Variants in PAPPA observed in about 807,000 individuals in gnomAD.
The protein encoded by PAPPA is pappalysin-1.
A neutral mutation model predicts 164.0 loss-of-function variants in PAPPA; 60 were observed. The ratio of observed to expected loss-of-function variants is 0.37; its 90% CI spans 0.30 to 0.45. The LOEUF is 0.45. PAPPA is among the 20% of genes least tolerant of loss of function. The pLI is 1.00. For missense variants in PAPPA, 1,782 were observed against 2,087.3 expected (o/e 0.85, Z 2.85); for synonymous variants, 875 against 814.1 (o/e 1.07, Z -1.27).
intron 7 of PAPPA, among the ~76,000 whole-genome samples, chr9:116,242,951 C>T (rs1334027219): frequency 1.3e-5 from 2 of 152,170 alleles, no homozygotes; most frequent in Non-Finnish European, 2.9e-5. Context: ...AATACATTTA[C>T]TGGATAATTG....
At chr9:116,302,519 G>A (rs763317119) in intron 9 of PAPPA, among the ~76,000 whole-genome samples, 1 of 151,984 alleles carries the variant, frequency 6.6e-6, no homozygotes, top group South Asian at 2.1e-4. Flanking sequence ...TTAACATGGT[G>A]GCCTCCACGT....
At chr9:116,376,116 G>C (rs780085017) in intron 19 of PAPPA, among the ~76,000 whole-genome samples, 14 of 151,724 alleles carry the variant, frequency 9.2e-5, no homozygotes, top group Non-Finnish European at 1.8e-4. Flanking sequence ...TGCCTCCCGG[G>C]TTCAAGCGAT....
chr9:116,302,862 T>G lies in PAPPA; in HGVS notation c.3059T>G (p.Leu1020Arg). Residue 1020 changes from leucine to arginine, a missense_variant, in exon 10 of 22, where the codon CTG becomes CGG. Physicochemically the swap from Leu to Arg is moderately radical, Grantham distance 102 (BLOSUM62 -2). Transcript: ENST00000328252. ...DCGVYTPQGFLDQWASNASVS... is the reference protein window; with the variant it reads ...DCGVYTPQGFRDQWASNASVS... ...GGTGTCTACACGCCCCAGGGATTCC[T>G]GGATCAGTGGGCATCCAATGCTTCA... 1 of 1,614,140 alleles carries G rather than the reference T, an allele frequency of 6.2e-7. No individual in the cohort carries two copies. The highest frequency in any genetic ancestry group is 8.5e-7 in the Non-Finnish European group (1 of 1,179,974).
Position 116,198,990 on chromosome 9 carries a change from T to C in PAPPA, c.1479-8466T>C, listed in dbSNP as rs568959675. 9.8e-5 allele frequency among the ~76,000 whole-genome samples: 15 copies of C among 152,336 alleles called. No homozygotes were observed. In the South Asian group the frequency reaches 3.1e-3, roughly 32 times the overall value. On this transcript the variant is annotated intron_variant, in intron 2 of 21. Transcript: ENST00000328252. ...AAACTGCTGACTTCCATCTCAATGT[T>C]TATTATTAGGTTGCTGCAGAAGTAA... is the stretch of plus-strand genomic sequence containing the variant.
chr9:116,241,213 A>T (rs1464850504), intron 7 of PAPPA, among the ~76,000 whole-genome samples: 1 of 152,208 alleles, frequency 6.6e-6, no homozygotes, highest in Admixed American at 6.6e-5. Context: ...GTATTTGTTG[A>T]CTTCCAACAT....
chr9:116,220,061 T>C lies in PAPPA; in HGVS notation c.2043T>C (p.Val681=). Residue 681 remains valine (V), a synonymous_variant, in exon 5 of 22, where the codon GTT becomes GTC. Coordinates refer to ENST00000328252, the MANE Select transcript of PAPPA (RefSeq NM_002581.5). ...CGCCTGTTGCCCTCGCCCCCCAAGTTCTGGGCCACACAACGGACTCTGTGA... is the reference window on the plus strand; with the variant it reads ...CGCCTGTTGCCCTCGCCCCCCAAGTCCTGGGCCACACAACGGACTCTGTGA... ...KPAPVALAPQ[V]LGHTTDSVTL... 1 of 1,614,106 alleles carries C rather than the reference T, an allele frequency of 6.2e-7. No homozygotes were observed. Among genetic ancestry groups the C allele is most frequent in the Non-Finnish European group, 8.5e-7 (1 of 1,180,018 alleles).
intron 2 of PAPPA, among the ~76,000 whole-genome samples, chr9:116,188,740 C>T (rs1366079030): frequency 1.3e-5 from 2 of 152,164 alleles, no homozygotes; most frequent in Admixed American, 6.5e-5. Context: ...TTCTGGTGGA[C>T]AGGCTCAAAG....
At chr9:116,288,945 G>C (rs1845379427) in intron 9 of PAPPA, 1 of 151,800 alleles carries the variant, frequency 6.6e-6, no homozygotes, top group Non-Finnish European at 1.5e-5. Flanking sequence ...AGCTATGCCA[G>C]ATTGGGGTAA....
intron 10 of PAPPA, among the ~76,000 whole-genome samples, chr9:116,307,218 A>G (rs1845657610): frequency 6.6e-6 from 1 of 152,008 alleles, no homozygotes; most frequent in Non-Finnish European, 1.5e-5. Context: ...CCATTAACCC[A>G]CGATTGGGTA....
chr9:116,364,047 A>AGAT (rs1846466140), intron 18 of PAPPA, among the ~76,000 whole-genome samples: 1 of 152,192 alleles, frequency 6.6e-6, no homozygotes, highest in Admixed American at 6.5e-5. Flanking sequence ...TGTTGCAGAG[A>AGAT]GATGGGATCT....
intron 8 of PAPPA, among the ~76,000 whole-genome samples, chr9:116,267,901 A>C (rs1845090106): frequency 6.6e-6 from 1 of 151,342 alleles, no homozygotes; most frequent in African/African-American, 2.4e-5. Context: ...AAAAAAAAAA[A>C]AAAAAAAAGA....
intron 1 of PAPPA, among the ~76,000 whole-genome samples, chr9:116,182,196 AATTAACGT>A (rs1411210658): frequency 6.6e-6 from 1 of 152,212 alleles, no homozygotes; most frequent in Non-Finnish European, 1.5e-5. Flanking sequence ...TAAGCAAGAT[AATTAACGT>A]AGAGTAAATG....
At chr9:116,388,064 C>T (rs1047180101) in intron 21 of PAPPA, among the ~76,000 whole-genome samples, 1 of 129,392 alleles carries the variant, frequency 7.7e-6, no homozygotes, top group African/African-American at 2.8e-5. Flanking sequence ...CTGCTCCCTT[C>T]ATTCTCCCTC....
chr9:116,368,891 G>C (rs1320828179), intron 19 of PAPPA, among the ~76,000 whole-genome samples: 3 of 152,128 alleles, frequency 2.0e-5, no homozygotes, highest in Non-Finnish European at 4.4e-5. Flanking sequence ...ACGATTGCCA[G>C]GGCTTACTCA....
chr9:116,258,190 C>A (rs867713949), intron 7 of PAPPA, among the ~76,000 whole-genome samples: 2 of 152,160 alleles, frequency 1.3e-5, no homozygotes, highest in Middle Eastern at 3.4e-3. Flanking sequence ...AAATTGGAAT[C>A]AAAATCCCAA....
At chr9:116,208,029 C>T (rs964143464) in intron 3 of PAPPA, among the ~76,000 whole-genome samples, 1 of 152,156 alleles carries the variant, frequency 6.6e-6, no homozygotes, top group Non-Finnish European at 1.5e-5. Context: ...CATGGGTTGG[C>T]TTAAAAGACA....
chr9:116,392,518 G>A (rs556504686), intron 21 of PAPPA, among the ~76,000 whole-genome samples: 2 of 152,120 alleles, frequency 1.3e-5, no homozygotes, highest in African/African-American at 4.8e-5. Context: ...GGAATCACTA[G>A]TGTGTGTACA....
In PAPPA at chr9:116,154,306, C is replaced by T. The variant is rs1843571919; in HGVS notation, c.134C>T (p.Ala45Val). ...GRPPRPAAGP[A>V]TCATRAARGR... Reference sequence around the variant, plus strand: ...CCCCCGCGCCCCGCCGCCGGCCCGGCCACCTGCGCCACCCGGGCGGCCCGC... The same window carrying T: ...CCCCCGCGCCCCGCCGCCGGCCCGGTCACCTGCGCCACCCGGGCGGCCCGC... The change falls in exon 1 of 22, where the codon GCC (alanine) becomes GTC (valine). Residue 45 changes from alanine (A) to valine (V), a missense_variant. Physicochemically the swap from Ala to Val is moderately conservative, Grantham distance 64. Around this residue, in one of 2 missense-constraint regions of PAPPA, gnomAD observed 458 missense variants for 430.3 expected, o/e 1.06. Transcript: ENST00000328252. This position sits in a 1 kb window ranked among gnomAD's most constrained non-coding sequence, Gnocchi z 5.2. 3.3e-6 allele frequency: 3 copies of T among 907,080 alleles called. No homozygotes were observed. The highest frequency in any genetic ancestry group is 3.9e-6 in the Non-Finnish European group (3 of 761,566). 56.2% of individuals were successfully genotyped at this position (907,080 alleles called of 1,614,324 possible). A position where few individuals can be genotyped will look rare whatever the true frequency, so the allele number is the denominator to read the frequency against.
chr9:116,219,064 G>A (rs1051606761), intron 4 of PAPPA, among the ~76,000 whole-genome samples: 1 of 152,148 alleles, frequency 6.6e-6, no homozygotes, highest in African/African-American at 2.4e-5. Context: ...AAGGCACCAT[G>A]CCTCTGTAGT....
Sources: gnomAD v4.1 joint callset for allele counts (sites outside exome capture counted in the v4.1 genomes callset) on GRCh38, gnomAD v4.1.1 for gene constraint, gnomAD v4.1.1 regional missense constraint, Gnocchi (gnomAD v3.1) non-coding constraint, MANE v1.5 for transcripts, NCBI Gene and HGNC (gene_info 2026-07-23, HGNC 2026-07-21) for gene names.